The following CCDC171 variants were observed in gnomAD, a reference collection of about 807,000 sequenced individuals.
CCDC171 encodes the protein coiled-coil domain containing 171.
CCDC171 carries 177 observed loss-of-function variants against 168.2 expected under a neutral mutation model. That is an observed-to-expected ratio of 1.05 (90% CI 0.93 to 1.19). The LOEUF is 1.19. CCDC171 is among the 50% of genes most tolerant of loss of function. The pLI is 0.00. For missense variants in CCDC171, 1,991 were observed against 1,539.0 expected, an observed-to-expected ratio of 1.29 and a Z score of -4.91; for synonymous variants, 687 against 540.8, an observed-to-expected ratio of 1.27 and a Z score of -3.75.
At chr9:16,067,423 T>A in the CCDC171 span, among the ~76,000 whole-genome samples, 2 of 152,196 alleles carry the variant, frequency 1.3e-5, no homozygotes, top group Non-Finnish European at 2.9e-5. Flanking sequence ...TCCTGTTCAC[T>A]CTGATGGTAG....
intron 9 of CCDC171, among the ~76,000 whole-genome samples, chr9:15,670,186 C>T (rs146303623): frequency 1.6e-4 from 25 of 151,916 alleles, no homozygotes; most frequent in African/African-American, 5.1e-4. Context: ...CTTTTTTGTC[C>T]GCCAGAATGC....
At chr9:15,641,945 C>T (rs1329994004) in intron 7 of CCDC171, among the ~76,000 whole-genome samples, 1 of 152,132 alleles carries the variant, frequency 6.6e-6, no homozygotes, top group Admixed American at 6.6e-5. Flanking sequence ...GGGCGGATCA[C>T]TTGAGGTCAA....
Position 15,724,785 on chromosome 9 carries a change from G to C in CCDC171, c.1501G>C (p.Asp501His). ...TTGGTATCTATGACAGGAACTTCAG[G>C]ATAAACTGGCTGATGTTAATAAAGA... ...SHTKNIKELQ[D>H]KLADVNKELS... Residue 501 changes from aspartate (D) to histidine (H), a missense_variant, in exon 14 of 26, where the codon GAT becomes CAT. Asp to His is a moderately conservative substitution (Grantham distance 81, BLOSUM62 -1). Transcript: ENST00000380701. The C allele has an allele frequency of 6.2e-7, 1 of 1,612,644 alleles. No individual in the cohort carries two copies. Among genetic ancestry groups the C allele is most frequent in the South Asian group, 1.1e-5 (1 of 90,988 alleles).
the CCDC171 span, among the ~76,000 whole-genome samples, chr9:16,095,787 T>C: frequency 1.3e-5 from 2 of 150,972 alleles, no homozygotes; most frequent in Non-Finnish European, 2.9e-5. Context: ...TCTTTAATAC[T>C]TCATAGGGCT....
intron 24 of CCDC171, among the ~76,000 whole-genome samples, chr9:15,901,664 T>C (rs1423270320): frequency 2.0e-5 from 3 of 152,192 alleles, no homozygotes; most frequent in South Asian, 2.1e-4. Flanking sequence ...AAATAACATA[T>C]GTATTCTTTA....
At chr9:15,578,435 T>G in intron 3 of CCDC171, among the ~76,000 whole-genome samples, 1 of 146,390 alleles carries the variant, frequency 6.8e-6, no homozygotes, top group Non-Finnish European at 1.5e-5. Flanking sequence ...TTATTATTAT[T>G]ATTATTATTA....
chr9:15,642,363 A>ACACACACACACGTG (rs1212194341), intron 7 of CCDC171, among the ~76,000 whole-genome samples: 3 of 47,724 alleles, frequency 6.3e-5, no homozygotes, highest in Admixed American at 3.9e-4. Context: ...ATATATATAT[A>ACACACACACACGTG]TATATATATA....
intron 21 of CCDC171, among the ~76,000 whole-genome samples, chr9:15,829,340 T>G (rs188133433): frequency 6.6e-6 from 1 of 152,234 alleles, no homozygotes; most frequent in East Asian, 1.9e-4. Flanking sequence ...CATGATAACT[T>G]GAGGGAAGAT....
the CCDC171 span, among the ~76,000 whole-genome samples, chr9:16,081,415 G>A: frequency 6.6e-6 from 1 of 152,248 alleles, no homozygotes; most frequent in East Asian, 1.9e-4. Flanking sequence ...GAGAACTCAT[G>A]GGTCAAATAA....
intron 7 of CCDC171, 62 bp downstream of exon 7, chr9:15,623,475 G>GCGCACGCGCGCGCGCACACACACACACA: frequency 6.4e-6 from 2 of 311,462 alleles, no homozygotes; most frequent in East Asian, 1.6e-4. Flanking sequence ...GCGCGCGCGC[G>GCGCACGCGCGCGCGCACACACACACACA]CACACACACA....
At chr9:15,750,729 C>A (rs757237420) in intron 18 of CCDC171, among the ~76,000 whole-genome samples, 4 of 152,130 alleles carry the variant, frequency 2.6e-5, no homozygotes, top group African/African-American at 4.8e-5. Flanking sequence ...AATTCAACAG[C>A]CCTTCATGCT....
intron 21 of CCDC171, 134 bp downstream of exon 21, chr9:15,784,828 A>G (rs2057855013): frequency 3.2e-6 from 2 of 634,898 alleles, no homozygotes; most frequent in Non-Finnish European, 5.0e-6. Context: ...AGAATGAAAC[A>G]TGTTTCTGAG....
intron 21 of CCDC171, among the ~76,000 whole-genome samples, chr9:15,836,284 A>G (rs1419842039): frequency 2.6e-5 from 4 of 152,208 alleles, no homozygotes; most frequent in South Asian, 4.1e-4. Flanking sequence ...CTTCTGCTTC[A>G]TATGTCCATA....
chr9:15,798,496 G>T (rs2058665584), intron 21 of CCDC171, among the ~76,000 whole-genome samples: 1 of 151,880 alleles, frequency 6.6e-6, no homozygotes, highest in Non-Finnish European at 1.5e-5. Flanking sequence ...TGTTACATAG[G>T]TATACATTTA....
intron 21 of CCDC171, among the ~76,000 whole-genome samples, chr9:15,806,801 A>G (rs1418797007): frequency 6.6e-6 from 1 of 152,108 alleles, no homozygotes; most frequent in Non-Finnish European, 1.5e-5. Context: ...TTCATTGACA[A>G]TATCTTGAAA....
chr9:15,979,483 T>G (rs1831726399), intron 3 of CCDC171, among the ~76,000 whole-genome samples: 1 of 152,138 alleles, frequency 6.6e-6, no homozygotes, highest in Admixed American at 6.6e-5. Context: ...TTTTGTTGGC[T>G]GTTTTTTATC....
At chr9:16,042,476 G>C (rs113799627), upstream of CCDC171, among the ~76,000 whole-genome samples, 1,487 of 152,290 alleles carry the variant, frequency 9.8e-3, 14 homozygotes, top group Non-Finnish European at 0.016. Context: ...CAGGGACCTC[G>C]AGGAAATCAC....
chr9:15,565,197 C>T (rs1195551580), intron 2 of CCDC171, among the ~76,000 whole-genome samples: 7 of 151,620 alleles, frequency 4.6e-5, no homozygotes, highest in East Asian at 1.9e-4. Flanking sequence ...CAAGTGATTC[C>T]CCTGCCTCAG....
chr9:15,701,613 A>G (rs987755044), intron 11 of CCDC171, among the ~76,000 whole-genome samples: 1 of 133,000 alleles, frequency 7.5e-6, no homozygotes, highest in Non-Finnish European at 1.5e-5. Context: ...AGAGTATCGC[A>G]CTGTTGTCCG....
Sources: gnomAD v4.1 joint callset for allele counts (sites outside exome capture counted in the v4.1 genomes callset) on GRCh38, gnomAD v4.1.1 for gene constraint, MANE v1.5 for transcripts, NCBI Gene and HGNC (gene_info 2026-07-23, HGNC 2026-07-21) for gene names.